The following BICD1 variants were observed in gnomAD, a reference collection of about 807,000 sequenced individuals.
The protein encoded by BICD1 is BICD cargo adaptor 1.
A neutral mutation model predicts 92.5 loss-of-function variants in BICD1; 35 were observed. The observed-to-expected ratio is 0.38, with a 90% CI of 0.29 to 0.50. The LOEUF (loss-of-function observed/expected upper bound fraction) is 0.50, where lower values mean the gene tolerates loss of function less well. Among genes scored for constraint, BICD1 ranks in the 20% least tolerant of loss-of-function variants. BICD1 has a pLI of 0.93. For missense variants in BICD1, 950 were observed against 1,189.8 expected (o/e 0.80, Z 2.97); for synonymous variants, 429 against 465.1 (o/e 0.92, Z 1.00).
At chr12:32,234,241 A>G (rs75697000) in intron 2 of BICD1, among the ~76,000 whole-genome samples, 7,824 of 152,274 alleles carry the variant, frequency 0.051, 229 homozygotes, top group Middle Eastern at 0.11. Flanking sequence ...CAGGAACATT[A>G]AAAGTACTTT....
intron 2 of BICD1, among the ~76,000 whole-genome samples, chr12:32,247,236 CA>C (rs200029154): frequency 0.34 from 46,286 of 134,932 alleles, 7,987 homozygotes; most frequent in East Asian, 0.49. Context: ...GACCCTGTAT[CA>C]AAAAAAAAAA....
intron 2 of BICD1, among the ~76,000 whole-genome samples, chr12:32,280,199 C>T (rs561845166): frequency 2.8e-4 from 42 of 152,234 alleles, no homozygotes; most frequent in African/African-American, 9.6e-4. Flanking sequence ...TCTCCTCTAC[C>T]TTCTTACAAT....
chr12:32,209,032 A>C (rs111506296), intron 1 of BICD1, among the ~76,000 whole-genome samples: 1,812 of 152,018 alleles, frequency 0.012, 32 homozygotes, highest in African/African-American at 0.041. Context: ...ATGGGGTTTC[A>C]CTATGTTGGT....
chr12:32,108,792 C>T, intron 1 of BICD1: 3 of 565,110 alleles, frequency 5.3e-6, no homozygotes, highest in East Asian at 5.8e-5. Context: ...GATTAAAAAT[C>T]CCAACTAGGA....
Position 32,305,945 on chromosome 12 carries a change from G to T in BICD1, c.828G>T (p.Gly276=), listed in dbSNP as rs1211223744. 1.9e-6 allele frequency: 3 copies of T among 1,614,064 alleles called. No homozygotes were observed. The highest frequency in any genetic ancestry group is 2.5e-6 in the Non-Finnish European group (3 of 1,180,046). ...ATGGACTCAAATTTGCCGAGGATGGGAGTGAACCAAACAATGATGACAAAA... is the reference window on the plus strand; with the variant it reads ...ATGGACTCAAATTTGCCGAGGATGGTAGTGAACCAAACAATGATGACAAAA... ...SVDGLKFAED[G]SEPNNDDKMN... The change falls in exon 4 of 10, where the codon GGG becomes GGT. Residue 276 remains glycine, a synonymous_variant. Coordinates refer to ENST00000652176, the MANE Select transcript of BICD1 (RefSeq NM_001714.4).
intron 1 of BICD1, among the ~76,000 whole-genome samples, chr12:32,213,534 C>T (rs1015572652): frequency 6.6e-6 from 1 of 152,034 alleles, no homozygotes; most frequent in Non-Finnish European, 1.5e-5. Flanking sequence ...TAGCTGGGAC[C>T]ACAGGCACAC....
At chr12:32,126,505 T>C (rs1459592400) in intron 1 of BICD1, among the ~76,000 whole-genome samples, 3 of 151,920 alleles carry the variant, frequency 2.0e-5, no homozygotes, top group Non-Finnish European at 4.4e-5. Context: ...ACCTGTAATC[T>C]TAGCATTTTG....
At chr12:32,211,618 A>G (rs1417468093) in intron 1 of BICD1, among the ~76,000 whole-genome samples, 2 of 151,266 alleles carry the variant, frequency 1.3e-5, no homozygotes, top group East Asian at 3.9e-4. Context: ...TGGCCAAATT[A>G]TTGCTTTTAC....
At chr12:32,165,954 C>A (rs1943751321) in intron 1 of BICD1, among the ~76,000 whole-genome samples, 1 of 151,938 alleles carries the variant, frequency 6.6e-6, no homozygotes, top group Non-Finnish European at 1.5e-5. Context: ...TGAGTTGTTT[C>A]TGTGAATTAC....
chr12:32,244,358 A>C (rs1171657514), intron 2 of BICD1, among the ~76,000 whole-genome samples: 52 of 152,060 alleles, frequency 3.4e-4, no homozygotes, highest in Admixed American at 3.4e-3. Flanking sequence ...ATCCAATCAA[A>C]TCATCATAGC....
At chr12:32,253,080 G>A (rs1946610221) in intron 2 of BICD1, among the ~76,000 whole-genome samples, 1 of 151,930 alleles carries the variant, frequency 6.6e-6, no homozygotes, top group South Asian at 2.1e-4. Flanking sequence ...ACTGGGTTTT[G>A]CCATGTTGCC....
intron 1 of BICD1, among the ~76,000 whole-genome samples, chr12:32,121,676 C>T (rs532057647): frequency 1.3e-5 from 2 of 152,166 alleles, no homozygotes; most frequent in East Asian, 1.9e-4. Context: ...GCAGAGACTG[C>T]AGACAGCCAA....
chr12:32,355,698 A>T (rs1459547297), intron 8 of BICD1, among the ~76,000 whole-genome samples: 2 of 152,020 alleles, frequency 1.3e-5, no homozygotes, highest in Non-Finnish European at 2.9e-5. Context: ...GCTACTCGGG[A>T]GGCTGAGGCA....
chr12:32,219,235 T>A (rs1945443510), intron 2 of BICD1, among the ~76,000 whole-genome samples: 1 of 152,188 alleles, frequency 6.6e-6, no homozygotes, highest in African/African-American at 2.4e-5. Flanking sequence ...ATTTCCTGTT[T>A]TAGTAGGATT....
chr12:32,211,691 G>C (rs1217265162), intron 1 of BICD1, among the ~76,000 whole-genome samples: 5 of 139,122 alleles, frequency 3.6e-5, no homozygotes, highest in African/African-American at 1.4e-4. Context: ...CATAGAAATG[G>C]GGAAACAGTT....
At chr12:32,275,992 C>T (rs1258909741) in intron 2 of BICD1, among the ~76,000 whole-genome samples, 2 of 152,070 alleles carry the variant, frequency 1.3e-5, no homozygotes, top group Admixed American at 6.6e-5. Flanking sequence ...AGCCGCCCAC[C>T]ACCATCTTGG....
At chr12:32,301,136 AG>A (rs755856125) in intron 3 of BICD1, among the ~76,000 whole-genome samples, 1 of 152,192 alleles carries the variant, frequency 6.6e-6, no homozygotes, top group Non-Finnish European at 1.5e-5. Context: ...CCTGCAAAGC[AG>A]TAAATCATGT....
intron 1 of BICD1, among the ~76,000 whole-genome samples, chr12:32,116,645 G>A (rs1366850733): frequency 1.3e-5 from 2 of 150,732 alleles, no homozygotes; most frequent in African/African-American, 4.9e-5. Flanking sequence ...TCAGCCTCCA[G>A]AGTAGCTGGG....
At chr12:32,267,978 T>G (rs1320852284) in intron 2 of BICD1, among the ~76,000 whole-genome samples, 3 of 51,000 alleles carry the variant, frequency 5.9e-5, no homozygotes, top group South Asian at 7.9e-4. Flanking sequence ...TTAAAAAGTG[T>G]TTTTTTTGAA....
Sources: allele counts gnomAD v4.1 joint callset (sites outside exome capture counted in the v4.1 genomes callset), GRCh38; gene constraint gnomAD v4.1.1; transcripts MANE v1.5; gene names NCBI Gene and HGNC (gene_info 2026-07-23, HGNC 2026-07-21).